LINGO2: variants seen among roughly 807,000 people sequenced by gnomAD.
The protein encoded by LINGO2 is leucine-rich repeat and immunoglobulin-like domain-containing nogo receptor-interacting protein 2.
Under a neutral mutation model 30.6 loss-of-function variants are expected in LINGO2, and 14 were observed. The observed-to-expected ratio is 0.46, with a 90% CI of 0.30 to 0.72. LINGO2 has a LOEUF of 0.72. Among genes scored for constraint, LINGO2 ranks in the 30% least tolerant of loss-of-function variants. The pLI, the probability that LINGO2 is intolerant of heterozygous loss-of-function variation, is 0.07. For missense variants in LINGO2, 729 were observed against 751.7 expected (o/e 0.97, Z 0.35); for synonymous variants, 317 against 288.5 (o/e 1.10, Z -1.00).
chr9:28,118,791 C>T (rs1827008149), intron 4 of LINGO2, among the ~76,000 whole-genome samples: 2 of 152,088 alleles, frequency 1.3e-5, no homozygotes, highest in South Asian at 4.1e-4. Context: ...ATGAAGTCTA[C>T]ATCTAGTAAA....
the LINGO2 span, among the ~76,000 whole-genome samples, chr9:28,933,184 G>A: frequency 6.6e-6 from 1 of 152,122 alleles, no homozygotes; most frequent in African/African-American, 2.4e-5. Context: ...TGGGATTACA[G>A]TCATGAGCCA....
At chr9:28,655,164 T>A (rs1286422994) in intron 1 of LINGO2, among the ~76,000 whole-genome samples, 1 of 152,086 alleles carries the variant, frequency 6.6e-6, no homozygotes, top group Non-Finnish European at 1.5e-5. Flanking sequence ...GATCGTTTTA[T>A]AAGGGACTTC....
At position 28,494,301 on chromosome 9, in the gene LINGO2, T is replaced by C. The variant is rs116526224; in HGVS notation, c.-364-18276A>G. On this transcript the variant is annotated intron_variant, in intron 1 of 5. Transcript: ENST00000379992. ...GTTACATACGTATACATGTGCCACA[T>C]TGGTGTGCTGCACCCATGAACTGGT... Among the ~76,000 whole-genome samples, 812 of 152,188 alleles carry C rather than the reference T, an allele frequency of 5.3e-3. 9 individuals are homozygous for C. The highest frequency in any genetic ancestry group is 0.018 in the African/African-American group (754 of 41,516).
At chr9:28,344,781 A>T (rs2134407082) in intron 3 of LINGO2, among the ~76,000 whole-genome samples, 1 of 152,232 alleles carries the variant, frequency 6.6e-6, no homozygotes, top group South Asian at 2.1e-4. Context: ...TTAAGAAATT[A>T]TACCATCCAT....
chr9:28,714,021 T>A, the LINGO2 span, among the ~76,000 whole-genome samples: 1 of 151,678 alleles, frequency 6.6e-6, no homozygotes, highest in Non-Finnish European at 1.5e-5. Context: ...TAGCCGGGCC[T>A]GGTGATGCAT....
At chr9:28,430,626 C>T (rs1045245867) in intron 2 of LINGO2, among the ~76,000 whole-genome samples, 1 of 152,026 alleles carries the variant, frequency 6.6e-6, no homozygotes. Context: ...TCCTATATGC[C>T]ATCAGTATAC....
chr9:27,969,918 G>C (rs1820275146), intron 5 of LINGO2, among the ~76,000 whole-genome samples: 1 of 152,058 alleles, frequency 6.6e-6, no homozygotes, highest in African/African-American at 2.4e-5. Context: ...CTGTAGACCT[G>C]CCGTAGCAGA....
At chr9:28,241,800 T>G (rs1821810660) in intron 4 of LINGO2, among the ~76,000 whole-genome samples, 1 of 152,012 alleles carries the variant, frequency 6.6e-6, no homozygotes, top group South Asian at 2.1e-4. Context: ...TTCTCCAGCC[T>G]CCCTGAATAA....
chr9:28,693,306 TA>T, the LINGO2 span, among the ~76,000 whole-genome samples: 3 of 152,136 alleles, frequency 2.0e-5, no homozygotes, highest in Admixed American at 6.6e-5. Flanking sequence ...TTCAGACACC[TA>T]AAATTTGGTA....
chr9:28,041,808 TTA>T (rs1244277557), intron 4 of LINGO2, among the ~76,000 whole-genome samples: 4 of 152,180 alleles, frequency 2.6e-5, no homozygotes, highest in African/African-American at 9.7e-5. Context: ...ACATACAAAT[TTA>T]TAGTTATAAT....
chr9:28,446,067 ATT>A (rs1051098206), intron 2 of LINGO2, among the ~76,000 whole-genome samples: 2 of 152,196 alleles, frequency 1.3e-5, no homozygotes, highest in Non-Finnish European at 2.9e-5. Context: ...AAAATACATT[ATT>A]TTATAATTTG....
At chr9:28,999,143 T>C in the LINGO2 span, among the ~76,000 whole-genome samples, 1 of 152,114 alleles carries the variant, frequency 6.6e-6, no homozygotes, top group Non-Finnish European at 1.5e-5. Context: ...ACAAGATTCT[T>C]AATTATGATA....
chr9:28,751,538 A>G, the LINGO2 span, among the ~76,000 whole-genome samples: 1 of 151,968 alleles, frequency 6.6e-6, no homozygotes, highest in East Asian at 1.9e-4. Flanking sequence ...AGTCTTTTTA[A>G]TATCTCTTGG....
the LINGO2 span, among the ~76,000 whole-genome samples, chr9:28,878,737 C>T: frequency 6.6e-6 from 1 of 152,094 alleles, no homozygotes; most frequent in Non-Finnish European, 1.5e-5. Flanking sequence ...AAGACAAAAA[C>T]CACATGATTA....
chr9:28,988,498 C>A, the LINGO2 span, among the ~76,000 whole-genome samples: 1 of 151,610 alleles, frequency 6.6e-6, no homozygotes, highest in East Asian at 1.9e-4. Flanking sequence ...CACTCTATGT[C>A]TTTTATTGGT....
chr9:28,073,606 A>G (rs1307788545), intron 4 of LINGO2, among the ~76,000 whole-genome samples: 1 of 152,230 alleles, frequency 6.6e-6, no homozygotes, highest in Non-Finnish European at 1.5e-5. Flanking sequence ...CATAAGCCAC[A>G]TAAGTTGACT....
At chr9:28,391,992 C>A (rs1261511625) in intron 2 of LINGO2, among the ~76,000 whole-genome samples, 1 of 152,132 alleles carries the variant, frequency 6.6e-6, no homozygotes, top group Non-Finnish European at 1.5e-5. Flanking sequence ...ATCACAGTCT[C>A]AAGAGATTGA....
the LINGO2 span, among the ~76,000 whole-genome samples, chr9:28,835,102 C>A: frequency 6.6e-6 from 1 of 152,096 alleles, no homozygotes; most frequent in Admixed American, 6.6e-5. Flanking sequence ...GAAGGAGGTG[C>A]TGAGAATAGG....
intron 4 of LINGO2, among the ~76,000 whole-genome samples, chr9:28,042,491 G>T (rs1392560083): frequency 6.6e-6 from 1 of 152,174 alleles, no homozygotes; most frequent in African/African-American, 2.4e-5. Context: ...ACTGTTTTGA[G>T]TTTTGTAGAG....
Sources: gnomAD v4.1 joint callset for allele counts (sites outside exome capture counted in the v4.1 genomes callset) on GRCh38, gnomAD v4.1.1 for gene constraint, MANE v1.5 for transcripts, NCBI Gene and HGNC (gene_info 2026-07-23, HGNC 2026-07-21) for gene names.